FBP1: variants seen among roughly 807,000 people sequenced by gnomAD.
The protein encoded by FBP1 is fructose-bisphosphatase 1, also known as fructose-1,6-bisphosphatase 1.
FBP1 carries 22 observed loss-of-function variants against 29.9 expected under a neutral mutation model. That is an observed-to-expected ratio of 0.74 (90% CI 0.53 to 1.05). FBP1 has a LOEUF of 1.05. Ranked by LOEUF, FBP1 falls within the 50% of genes least tolerant of loss-of-function variation. The pLI is 0.00. For missense variants in FBP1, 345 were observed against 448.2 expected (o/e 0.77, Z 2.08); for synonymous variants, 175 against 178.6 (o/e 0.98, Z 0.16).
intron 4 of FBP1, among the ~76,000 whole-genome samples, chr9:94,608,849 G>A (rs889966132): frequency 1.3e-5 from 2 of 152,050 alleles, no homozygotes; most frequent in Non-Finnish European, 2.9e-5. Context: ...GGTTCAGTTT[G>A]CCAGCAAAAA....
At chr9:94,604,538 C>T (rs1328845032) in intron 6 of FBP1, among the ~76,000 whole-genome samples, 5 of 149,972 alleles carry the variant, frequency 3.3e-5, no homozygotes, top group African/African-American at 1.2e-4. Flanking sequence ...AATCCCAGCA[C>T]TTTGGGAGGC....
chr9:94,639,509 A>G lies in FBP1; in HGVS notation c.-199T>C, dbSNP rs1175958281. The G allele has an allele frequency of 3.0e-6, 2 of 661,954 alleles. No individual in the cohort carries two copies. Among genetic ancestry groups the G allele is most frequent in the East Asian group, 2.7e-5 (1 of 36,522 alleles). 41.0% of individuals were successfully genotyped at this position (661,954 alleles called of 1,614,324 possible). On this transcript the variant is annotated 5_prime_UTR_variant, in exon 1 of 7. Transcript: ENST00000375326. The stretch of plus-strand genomic sequence containing the variant: ...GAGTGTCCGCAGCGCTCGTGGTGCA[A>G]CTGGGCCAGGCCAGGCGCCGGCGGG...
chr9:94,606,947 G>C lies in FBP1; in HGVS notation c.573C>G (p.Ile191Met). The C allele has an allele frequency of 6.2e-7, 1 of 1,614,094 alleles. No homozygotes were observed. The highest frequency in any genetic ancestry group is 8.5e-7 in the Non-Finnish European group (1 of 1,179,980). Residue 191 changes from isoleucine to methionine, a missense_variant, in exon 5 of 7, where the codon ATC becomes ATG. Coordinates refer to ENST00000375326, the MANE Select transcript of FBP1 (RefSeq NM_000507.4). The stretch of plus-strand genomic sequence containing the variant: ...CCTTGTCCACCAAAATGAACTCCCC[G>C]ATGGCCTTTTTAGACAAGGAAGGAA... ...GVNCFMLDPA[I>M]GEFILVDKDV...
At chr9:94,634,452 T>C (rs1828161668) in intron 1 of FBP1, among the ~76,000 whole-genome samples, 2 of 152,198 alleles carry the variant, frequency 1.3e-5, no homozygotes, top group Non-Finnish European at 2.9e-5. Context: ...GTTAATTGAA[T>C]GAAATCAGTG....
chr9:94,604,968 A>G (rs1827675611), intron 6 of FBP1, among the ~76,000 whole-genome samples: 1 of 152,142 alleles, frequency 6.6e-6, no homozygotes, highest in Admixed American at 6.5e-5. Flanking sequence ...CTCACCTGAA[A>G]GCTCTAGGTT....
chr9:94,605,638 G>A (rs1827687110), intron 5 of FBP1, 62 bp from the exon 6 acceptor site: 1 of 1,543,760 alleles, frequency 6.5e-7, no homozygotes, highest in Non-Finnish European at 8.9e-7. Flanking sequence ...TTTTCTTGGT[G>A]TCTCCTAAGT....
intron 3 of FBP1, among the ~76,000 whole-genome samples, chr9:94,612,706 A>G (rs2131480190): frequency 6.6e-6 from 1 of 151,422 alleles, no homozygotes; most frequent in East Asian, 1.9e-4. Context: ...ACAGGCGCCC[A>G]CCACCACGCC....
At chr9:94,620,233 C>A (rs772588321) in intron 2 of FBP1, 96 bp downstream of exon 2, 164 of 1,355,214 alleles carry the variant, frequency 1.2e-4, no homozygotes, top group Non-Finnish European at 1.7e-4. Context: ...GAGGGACTCC[C>A]AGAAACCCAG....
chr9:94,620,285 G>C, intron 2 of FBP1, 44 bp downstream of exon 2: 1 of 1,601,102 alleles, frequency 6.2e-7, no homozygotes, highest in Non-Finnish European at 8.6e-7. Flanking sequence ...CTGGGAAGAA[G>C]ACCGGCTACA....
Position 94,639,448 on chromosome 9 carries a change from A to G in FBP1, c.-138T>C. 1 of 990,380 alleles carries G rather than the reference A, an allele frequency of 1.0e-6. No homozygotes were observed. The highest frequency in any genetic ancestry group is 1.4e-5 in the South Asian group (1 of 70,868). The allele number at this position is 990,380 out of a possible 1,614,324, so 61.3% of individuals were successfully genotyped here. A position where few individuals can be genotyped will look rare whatever the true frequency, so the allele number is the denominator to read the frequency against. On this transcript the variant is annotated 5_prime_UTR_variant, in exon 1 of 7. Transcript: ENST00000375326. Reference sequence around the variant, plus strand: ...GCGGGCGGCAGGTGCGGGCCGCGGGACCTGGCGGGAGGACTGACAGACCGA... The same window carrying G: ...GCGGGCGGCAGGTGCGGGCCGCGGGGCCTGGCGGGAGGACTGACAGACCGA...
In FBP1 at chr9:94,603,549, G is replaced by A. The variant is rs1055948098; in HGVS notation, c.849C>T (p.Asn283=). Residue 283 remains asparagine (N), a synonymous_variant, in exon 7 of 7, where the codon AAC becomes AAT. Coordinates refer to ENST00000375326, the MANE Select transcript of FBP1 (RefSeq NM_000507.4). The part of the protein sequence containing the change: ...NGKLRLLYEC[N]PMAYVMEKAG... ...CCTTCTCCATGACGTAGGCCATGGGGTTGCATTCGTACAGCAGTCTCAGCT... is the reference window on the plus strand; with the variant it reads ...CCTTCTCCATGACGTAGGCCATGGGATTGCATTCGTACAGCAGTCTCAGCT... 5 of 1,614,052 alleles carry A rather than the reference G, an allele frequency of 3.1e-6. No individual in the cohort carries two copies. The African/African-American group carries it at 4.0e-5, about 13-fold the overall frequency.
rs1827928310 is a variant in FBP1 at position 94,620,348 on chromosome 9, A to T, written c.314T>A (p.Ile105Lys). 1 of 1,614,108 alleles carries T rather than the reference A, an allele frequency of 6.2e-7. No individual in the cohort carries two copies. The highest frequency in any genetic ancestry group is 1.3e-5 in the African/African-American group (1 of 74,940). The part of the protein sequence containing the change: ...LVSEEDKHAI[I>K]VEPEKRGKYV... ...ACCCACCCTTTTCTCCGGTTCCACT[A>T]TGATGGCGTGTTTATCTTCTTCTGA... Residue 105 changes from isoleucine (I) to lysine (K), a missense_variant, in exon 2 of 7, where the codon ATA (isoleucine) becomes AAA (lysine). Physicochemically the swap from Ile to Lys is moderately radical, Grantham distance 102 (BLOSUM62 -3). Coordinates refer to ENST00000375326, the MANE Select transcript of FBP1 (RefSeq NM_000507.4).
At position 94,610,072 on chromosome 9, in the gene FBP1, AAAG is replaced by A; in HGVS notation, c.427-14_427-12del. On this transcript the variant is annotated splice_polypyrimidine_tract_variant and intron_variant, in intron 3 of 6. Transcript: ENST00000375326. ...CTCATCAGTTGATTTCTAGAGCAAG[AAAG>A]AAATCAAAGAATGTTTTTGTTTTGT... 1 of 1,613,216 alleles carries A rather than the reference AAAG, an allele frequency of 6.2e-7. No homozygotes were observed. The highest frequency in any genetic ancestry group is 8.5e-7 in the Non-Finnish European group (1 of 1,179,390).
In FBP1 at chr9:94,619,874, C is replaced by CAAA. The variant is rs56722632; in HGVS notation, c.333+452_333+454dup. The stretch of plus-strand genomic sequence containing the variant: ...GGGCAACAAGAGCAAAACACTGTCT[C>CAAA]AAAAAAAAAAAAAAAAAAAAAAAAA... On this transcript the variant is annotated intron_variant, in intron 2 of 6. Transcript: ENST00000375326. 4.3e-3 allele frequency among the ~76,000 whole-genome samples: 426 copies of CAAA among 99,102 alleles called. 9 individuals carry two copies. The highest frequency in any genetic ancestry group is 8.5e-3 in the South Asian group (28 of 3,290). The allele number at this position is 99,102 out of a possible 152,430, so 65.0% of individuals were successfully genotyped here. A position where few individuals can be genotyped will look rare whatever the true frequency, so the allele number is the denominator to read the frequency against.
At chr9:94,634,447 T>C (rs549763569) in intron 1 of FBP1, among the ~76,000 whole-genome samples, 1 of 152,336 alleles carries the variant, frequency 6.6e-6, no homozygotes, top group African/African-American at 2.4e-5. Context: ...ATTTTGTTAA[T>C]TGAATGAAAT....
chr9:94,619,603 G>A (rs561349917), intron 2 of FBP1, among the ~76,000 whole-genome samples: 6 of 152,176 alleles, frequency 3.9e-5, no homozygotes, highest in Non-Finnish European at 7.4e-5. Flanking sequence ...GCCAGGTGTG[G>A]TGGCTCACAC....
intron 1 of FBP1, among the ~76,000 whole-genome samples, chr9:94,635,154 T>C (rs1239256065): frequency 1.3e-5 from 2 of 150,624 alleles, no homozygotes; most frequent in Non-Finnish European, 2.9e-5. Context: ...TGAATTCTAA[T>C]TGATTTCTAA....
intron 6 of FBP1, 144 bp downstream of exon 6, chr9:94,605,313 A>G: frequency 1.2e-6 from 1 of 824,330 alleles, no homozygotes; most frequent in Non-Finnish European, 1.9e-6. Context: ...TTTACCTTTA[A>G]TCCACAAAAG....
chr9:94,635,257 C>T (rs1434414112), intron 1 of FBP1, among the ~76,000 whole-genome samples: 2 of 152,246 alleles, frequency 1.3e-5, no homozygotes, highest in Admixed American at 1.3e-4. Context: ...TCATCTTCCT[C>T]GGTCTCAGGG....
Sources: allele counts gnomAD v4.1 joint callset (sites outside exome capture counted in the v4.1 genomes callset), GRCh38; gene constraint gnomAD v4.1.1; transcripts MANE v1.5; gene names NCBI Gene and HGNC (gene_info 2026-07-23, HGNC 2026-07-21).